The following MMP16 variants were observed in gnomAD, a reference collection of about 807,000 sequenced individuals.
MMP16 encodes the protein matrix metalloproteinase-16.
MMP16 carries 12 observed loss-of-function variants against 67.8 expected under a neutral mutation model. The observed-to-expected ratio is 0.18, with a 90% CI of 0.11 to 0.29. The LOEUF is 0.29. Among genes scored for constraint, MMP16 ranks in the 10% least tolerant of loss-of-function variants. The pLI is 1.00. For synonymous variants in MMP16, 249 were observed against 255.9 expected, an observed-to-expected ratio of 0.97 and a Z score of 0.26; for missense variants, 475 against 765.7, an observed-to-expected ratio of 0.62 and a Z score of 4.48.
rs1405343659 is a variant in MMP16, at chr8:88,056,214, G to C, written c.1287C>G (p.Thr429=). 1.5e-5 allele frequency: 24 copies of C among 1,600,838 alleles called. 1 individual carries two copies. In the East Asian group the frequency reaches 3.8e-4, roughly 26 times the overall value. The change falls in exon 8 of 10, where the codon ACC becomes ACG. Residue 429 remains threonine (T), a synonymous_variant. Transcript: ENST00000286614. ...LQPGYPHDLI[T]LGSGIPPHGI... is the part of the protein sequence containing the mutation. ...CATGAGGGGGAATTCCACTTCCAAG[G>C]GTTATCAAGTCATGAGGGTAACCAG...
At chr8:88,068,822 C>T (rs925005768) in intron 7 of MMP16, among the ~76,000 whole-genome samples, 1 of 152,094 alleles carries the variant, frequency 6.6e-6, no homozygotes, top group Non-Finnish European at 1.5e-5. Flanking sequence ...TTGTCTCAGC[C>T]TCCCGAGTGG....
At chr8:88,282,539 C>T (rs772390721) in intron 1 of MMP16, among the ~76,000 whole-genome samples, 1 of 152,118 alleles carries the variant, frequency 6.6e-6, no homozygotes, top group Non-Finnish European at 1.5e-5. Flanking sequence ...GATAGATATG[C>T]TACTTTCTTT....
At chr8:88,198,049 G>C (rs1159131820) in intron 1 of MMP16, among the ~76,000 whole-genome samples, 1 of 152,128 alleles carries the variant, frequency 6.6e-6, no homozygotes, top group African/African-American at 2.4e-5. Flanking sequence ...TGGTGAAGGG[G>C]GCTCTGGGAG....
intron 1 of MMP16, among the ~76,000 whole-genome samples, chr8:88,301,921 GAT>G (rs1210689843): frequency 2.0e-5 from 3 of 152,184 alleles, no homozygotes; most frequent in Non-Finnish European, 4.4e-5. Flanking sequence ...AACAGTGAGA[GAT>G]AATCCACATA....
At chr8:88,313,618 A>T (rs1811332246) in intron 1 of MMP16, among the ~76,000 whole-genome samples, 1 of 152,196 alleles carries the variant, frequency 6.6e-6, no homozygotes, top group African/African-American at 2.4e-5. Flanking sequence ...TCAAATTAAG[A>T]AAAGCGTTAT....
At chr8:88,166,695 A>ATATATATATG (rs1222118600) in intron 4 of MMP16, among the ~76,000 whole-genome samples, 1 of 66,844 alleles carries the variant, frequency 1.5e-5, no homozygotes, top group African/African-American at 9.4e-5. Context: ...TTACATATAT[A>ATATATATATG]TATATATATA....
At chr8:88,216,291 A>G (rs1242213940) in intron 1 of MMP16, among the ~76,000 whole-genome samples, 1 of 152,174 alleles carries the variant, frequency 6.6e-6, no homozygotes, top group Non-Finnish European at 1.5e-5. Context: ...ATAAACTTGT[A>G]AAAATTGGTT....
chr8:88,130,882 C>G (rs929434362), intron 4 of MMP16, among the ~76,000 whole-genome samples: 1 of 151,452 alleles, frequency 6.6e-6, no homozygotes, highest in Non-Finnish European at 1.5e-5. Flanking sequence ...TCACTGTAGT[C>G]TTGGAAATTT....
intron 1 of MMP16, among the ~76,000 whole-genome samples, chr8:88,256,101 AT>A (rs989145167): frequency 6.6e-6 from 1 of 152,084 alleles, no homozygotes; most frequent in African/African-American, 2.4e-5. Flanking sequence ...TCTAGGCAGT[AT>A]TTTTAACCCA....
At chr8:88,123,425 A>G (rs1286908818) in intron 4 of MMP16, among the ~76,000 whole-genome samples, 2 of 151,554 alleles carry the variant, frequency 1.3e-5, no homozygotes, top group African/African-American at 4.8e-5. Flanking sequence ...TTCAAATCTG[A>G]AAAACTTGAT....
chr8:88,173,625 A>T (rs1808840637), intron 3 of MMP16, among the ~76,000 whole-genome samples: 1 of 152,234 alleles, frequency 6.6e-6, no homozygotes, highest in East Asian at 1.9e-4. Flanking sequence ...GAATAAAAGA[A>T]GATAAACATA....
chr8:88,195,904 T>C (rs1809242202), intron 2 of MMP16, among the ~76,000 whole-genome samples: 1 of 152,180 alleles, frequency 6.6e-6, no homozygotes, highest in Non-Finnish European at 1.5e-5. Flanking sequence ...CCTGTGTTGA[T>C]AAAATAGAAA....
chr8:88,152,332 G>A (rs1808424094), intron 4 of MMP16, among the ~76,000 whole-genome samples: 1 of 125,148 alleles, frequency 8.0e-6, no homozygotes, highest in East Asian at 2.3e-4. Context: ...CCAATCAATA[G>A]AAAAAGAGGG....
intron 1 of MMP16, among the ~76,000 whole-genome samples, chr8:88,289,382 A>T (rs143956201): frequency 1.3e-5 from 2 of 152,192 alleles, no homozygotes; most frequent in Admixed American, 1.3e-4. Flanking sequence ...AAGCCAGTAA[A>T]ATATCAAATG....
intron 1 of MMP16, among the ~76,000 whole-genome samples, chr8:88,234,564 T>A (rs754144756): frequency 5.3e-5 from 8 of 152,258 alleles, no homozygotes; most frequent in Non-Finnish European, 7.3e-5. Context: ...TTAACTCACT[T>A]TTCTGCCTTG....
intron 9 of MMP16, among the ~76,000 whole-genome samples, chr8:88,045,537 A>AT (rs773881347): frequency 1.3e-4 from 19 of 151,638 alleles, no homozygotes; most frequent in Non-Finnish European, 1.8e-4. Flanking sequence ...TGCCTTGCTT[A>AT]TTTTTTTATA....
chr8:88,230,740 G>A (rs1809846559), intron 1 of MMP16, among the ~76,000 whole-genome samples: 1 of 152,054 alleles, frequency 6.6e-6, no homozygotes, highest in Non-Finnish European at 1.5e-5. Context: ...TAAGAAATGT[G>A]ATCATATTTC....
At chr8:88,277,852 A>T (rs2129987080) in intron 1 of MMP16, among the ~76,000 whole-genome samples, 1 of 152,340 alleles carries the variant, frequency 6.6e-6, no homozygotes, top group East Asian at 1.9e-4. Context: ...TTGAGAAACT[A>T]AATAAGACAG....
intron 3 of MMP16, among the ~76,000 whole-genome samples, chr8:88,178,128 C>G (rs2129730514): frequency 6.6e-6 from 1 of 152,196 alleles, no homozygotes; most frequent in Admixed American, 6.5e-5. Flanking sequence ...TTTCCTATTA[C>G]TCAATATCTT....
Sources: allele counts gnomAD v4.1 joint callset (sites outside exome capture counted in the v4.1 genomes callset), GRCh38; gene constraint gnomAD v4.1.1; transcripts MANE v1.5; gene names NCBI Gene and HGNC (gene_info 2026-07-23, HGNC 2026-07-21).